CYRIB: variants seen among roughly 807,000 people sequenced by gnomAD.
CYRIB encodes the protein CYFIP related Rac1 interactor B, also known as CYFIP-related Rac1 interactor B.
Under a neutral mutation model 44.2 loss-of-function variants are expected in CYRIB, and 8 were observed. The ratio of observed to expected loss-of-function variants is 0.18; its 90% CI spans 0.11 to 0.33. CYRIB has a LOEUF of 0.33. Among genes scored for constraint, CYRIB ranks in the 10% least tolerant of loss-of-function variants. The pLI, the probability that CYRIB is intolerant of heterozygous loss-of-function variation, is 1.00. For missense variants in CYRIB, 185 were observed against 382.8 expected, an observed-to-expected ratio of 0.48 and a Z score of 4.31; for synonymous variants, 131 against 127.2, an observed-to-expected ratio of 1.03 and a Z score of -0.20.
rs1238047446 is a variant in CYRIB, at chr8:129,852,352, G to A, written c.517-74C>T. The stretch of plus-strand genomic sequence containing the variant: ...ATAATAACAATTATACAAGGACCCA[G>A]GCAGGGTGCCTGCCTCAATTACATT... On this transcript the variant is annotated intron_variant, in intron 7 of 11. Coordinates refer to ENST00000519824, the Ensembl canonical transcript of CYRIB. The A allele has an allele frequency of 3.5e-6, 3 of 859,512 alleles. No individual in the cohort carries two copies. The African/African-American group carries it at 5.2e-5, about 15-fold the overall frequency. The allele number at this position is 859,512 out of a possible 1,614,324, so 53.2% of individuals were successfully genotyped here. A position where few individuals can be genotyped will look rare whatever the true frequency, so the allele number is the denominator to read the frequency against.
intron 1 of CYRIB, among the ~76,000 whole-genome samples, chr8:130,010,555 A>ATC: frequency 6.6e-6 from 1 of 152,202 alleles, no homozygotes. Flanking sequence ...AGGCAGCCCC[A>ATC]TCTCAATGGC....
At chr8:129,917,217 A>G (rs2081198145) in intron 1 of CYRIB, among the ~76,000 whole-genome samples, 1 of 152,122 alleles carries the variant, frequency 6.6e-6, no homozygotes, top group Non-Finnish European at 1.5e-5. Flanking sequence ...ACATACCAAT[A>G]CCATTCATCC....
chr8:129,866,458 T>C (rs1054631129), intron 4 of CYRIB, among the ~76,000 whole-genome samples: 1 of 151,992 alleles, frequency 6.6e-6, no homozygotes, highest in Non-Finnish European at 1.5e-5. Flanking sequence ...TCATAGAAAG[T>C]TCACAGAAGT....
chr8:129,922,084 T>A (rs1183288861), intron 1 of CYRIB, among the ~76,000 whole-genome samples: 5 of 152,218 alleles, frequency 3.3e-5, no homozygotes, highest in African/African-American at 1.2e-4. Flanking sequence ...CACACTGCAC[T>A]AACCACACTG....
At chr8:129,943,973 G>A (rs2093956196), upstream of CYRIB, among the ~76,000 whole-genome samples, 1 of 151,318 alleles carries the variant, frequency 6.6e-6, no homozygotes, top group African/African-American at 2.4e-5. Context: ...GAAGGGGAAA[G>A]GGCCAAGGAG....
intron 1 of CYRIB, among the ~76,000 whole-genome samples, chr8:130,005,839 CT>C (rs1238604329): frequency 1.3e-5 from 2 of 151,190 alleles, no homozygotes; most frequent in Non-Finnish European, 2.9e-5. Context: ...AATGTAAAGG[CT>C]GGAAAAGATG....
At chr8:129,918,852 G>A (rs117259816) in intron 1 of CYRIB, among the ~76,000 whole-genome samples, 1,860 of 152,284 alleles carry the variant, frequency 0.012, 9 homozygotes, top group Non-Finnish European at 0.019. Context: ...CTGTCATTCT[G>A]CTAAAATGAT....
chr8:129,901,730 T>G (rs1476609058), intron 2 of CYRIB: 1 of 152,196 alleles, frequency 6.6e-6, no homozygotes, highest in African/African-American at 2.4e-5. Flanking sequence ...CAAACTACAG[T>G]AGTATTAGAA....
At chr8:129,848,330 A>G (rs887070025) in intron 10 of CYRIB, among the ~76,000 whole-genome samples, 3 of 152,238 alleles carry the variant, frequency 2.0e-5, no homozygotes, top group African/African-American at 7.2e-5. Flanking sequence ...CCGAAATGCT[A>G]AGAGCCTAAA....
At chr8:130,013,179 C>T (rs542940354) in intron 1 of CYRIB, among the ~76,000 whole-genome samples, 4 of 152,266 alleles carry the variant, frequency 2.6e-5, no homozygotes, top group East Asian at 1.9e-4. Context: ...CACTATTATA[C>T]GGGGTGTGCA....
At chr8:129,964,465 G>A (rs1227722045) in intron 2 of CYRIB, among the ~76,000 whole-genome samples, 1 of 152,200 alleles carries the variant, frequency 6.6e-6, no homozygotes, top group Non-Finnish European at 1.5e-5. Context: ...AGATAACTCA[G>A]ATTTCTATGA....
chr8:129,920,599 A>G (rs1389900159), intron 1 of CYRIB, among the ~76,000 whole-genome samples: 1 of 152,170 alleles, frequency 6.6e-6, no homozygotes, highest in Non-Finnish European at 1.5e-5. Context: ...ACAGACTTCC[A>G]TATCATCAGT....
At chr8:129,917,535 A>G (rs894862845) in intron 1 of CYRIB, among the ~76,000 whole-genome samples, 11 of 152,142 alleles carry the variant, frequency 7.2e-5, no homozygotes, top group African/African-American at 2.7e-4. Context: ...GGCTGACTCA[A>G]TTCTTAAAAA....
intron 8 of CYRIB, chr8:129,851,926 G>C: frequency 8.0e-6 from 3 of 375,310 alleles, no homozygotes; most frequent in East Asian, 3.9e-5. Context: ...GCAACCCAGA[G>C]TTTGGTTTGG....
intron 2 of CYRIB, among the ~76,000 whole-genome samples, chr8:129,888,022 T>G (rs1223879887): frequency 6.6e-6 from 1 of 152,122 alleles, no homozygotes; most frequent in Non-Finnish European, 1.5e-5. Flanking sequence ...TATTTTGCAA[T>G]GTGAGAAGGT....
chr8:129,931,550 T>A (rs890389859), intron 1 of CYRIB, among the ~76,000 whole-genome samples: 1 of 152,204 alleles, frequency 6.6e-6, no homozygotes, highest in Non-Finnish European at 1.5e-5. Flanking sequence ...GGTCATTACA[T>A]ATAACTTTGC....
intron 2 of CYRIB, among the ~76,000 whole-genome samples, chr8:129,957,981 A>G (rs1409005210): frequency 6.7e-6 from 1 of 149,714 alleles, no homozygotes; most frequent in Non-Finnish European, 1.5e-5. Flanking sequence ...AAAAAAAAAA[A>G]TACAAAAAAT....
chr8:129,905,838 A>G (rs979951633), intron 1 of CYRIB, among the ~76,000 whole-genome samples: 3 of 152,186 alleles, frequency 2.0e-5, no homozygotes, highest in Admixed American at 1.3e-4. Flanking sequence ...TAGAAATCAA[A>G]TATCAGGTCA....
chr8:129,961,431 C>A (rs2131742857), intron 2 of CYRIB, among the ~76,000 whole-genome samples: 1 of 152,316 alleles, frequency 6.6e-6, no homozygotes, highest in Non-Finnish European at 1.5e-5. Context: ...CCTTTAGGAG[C>A]AGCATCCTAG....
Sources: allele counts gnomAD v4.1 joint callset (sites outside exome capture counted in the v4.1 genomes callset), GRCh38; gene constraint gnomAD v4.1.1; transcripts MANE v1.5; gene names NCBI Gene and HGNC (gene_info 2026-07-23, HGNC 2026-07-21).